Variants in VEGFC observed in about 807,000 individuals in gnomAD.
The protein encoded by VEGFC is vascular endothelial growth factor C.
VEGFC carries 12 observed loss-of-function variants against 46.1 expected under a neutral mutation model. The ratio of observed to expected loss-of-function variants is 0.26; its 90% CI spans 0.17 to 0.42. The LOEUF (loss-of-function observed/expected upper bound fraction) is 0.42. VEGFC is among the 10% of genes least tolerant of loss of function. VEGFC has a pLI of 1.00. For missense variants in VEGFC, 488 were observed against 529.4 expected (o/e 0.92, Z 0.77); for synonymous variants, 232 against 195.5 (o/e 1.19, Z -1.56).
At chr4:176,720,517 G>A (rs181108472) in intron 3 of VEGFC, among the ~76,000 whole-genome samples, 9 of 152,154 alleles carry the variant, frequency 5.9e-5, no homozygotes, top group Middle Eastern at 3.4e-3. Flanking sequence ...ACAAGCAGAC[G>A]CAATCTTTGT....
chr4:176,742,843 G>A (rs77162391), intron 1 of VEGFC, among the ~76,000 whole-genome samples: 1 of 151,966 alleles, frequency 6.6e-6, no homozygotes, highest in Non-Finnish European at 1.5e-5. Context: ...GATGTGAAAA[G>A]CCAAACATTG....
At chr4:176,739,755 T>C (rs1347417286) in intron 1 of VEGFC, among the ~76,000 whole-genome samples, 2 of 150,908 alleles carry the variant, frequency 1.3e-5, no homozygotes, top group East Asian at 2.0e-4. Flanking sequence ...AACTTAAAAG[T>C]TGAAGAAAAG....
At chr4:176,726,427 C>T (rs373587464) in intron 3 of VEGFC, among the ~76,000 whole-genome samples, 1 of 148,874 alleles carries the variant, frequency 6.7e-6, no homozygotes, top group African/African-American at 2.5e-5. Context: ...TTTTTTTTAA[C>T]CTTTAGAGTT....
chr4:176,739,599 A>T (rs1210688092), intron 1 of VEGFC, among the ~76,000 whole-genome samples: 1 of 151,636 alleles, frequency 6.6e-6, no homozygotes, highest in South Asian at 2.1e-4. Flanking sequence ...TTGTGGGGGG[A>T]GCGTATGAGG....
chr4:176,785,312 C>T (rs1735982953), intron 1 of VEGFC, among the ~76,000 whole-genome samples: 1 of 152,182 alleles, frequency 6.6e-6, no homozygotes, highest in Admixed American at 6.5e-5. Context: ...ATCTTTCCAC[C>T]TGTCCAAATG....
chr4:176,690,676 T>C (rs550612545), intron 4 of VEGFC, among the ~76,000 whole-genome samples: 11 of 152,242 alleles, frequency 7.2e-5, no homozygotes, highest in Non-Finnish European at 1.3e-4. Context: ...TTCCATCAAA[T>C]ATGATACAAC....
intron 4 of VEGFC, among the ~76,000 whole-genome samples, chr4:176,692,388 C>T (rs1302882534): frequency 7.5e-6 from 1 of 133,038 alleles, no homozygotes; most frequent in Non-Finnish European, 1.5e-5. Context: ...AGCGAGACTC[C>T]GTCTCAAAAA....
At chr4:176,782,960 T>C (rs1227515974) in intron 1 of VEGFC, among the ~76,000 whole-genome samples, 1 of 152,216 alleles carries the variant, frequency 6.6e-6, no homozygotes, top group East Asian at 1.9e-4. Context: ...CTGGGAAGTG[T>C]GTCCACCACT....
rs1332940590 is a variant in VEGFC at position 176,698,787 on chromosome 4, T to C, written c.705-10860A>G. On this transcript the variant is annotated intron_variant, in intron 4 of 6. Transcript: ENST00000618562. ...ATGAATTCTACTTTTCTAGATTCCA[T>C]ATATAAGGGAGATCAGTAATATGCA... 2.0e-5 allele frequency among the ~76,000 whole-genome samples: 3 copies of C among 152,194 alleles called. No homozygotes were observed. In the East Asian group the frequency reaches 5.8e-4, roughly 29 times the overall value.
At chr4:176,758,748 A>G (rs1735477481) in intron 1 of VEGFC, among the ~76,000 whole-genome samples, 1 of 152,110 alleles carries the variant, frequency 6.6e-6, no homozygotes, top group Admixed American at 6.6e-5. Context: ...CTCTGGCCCC[A>G]CATTGCATTC....
chr4:176,714,178 G>A (rs1275902777), intron 3 of VEGFC, among the ~76,000 whole-genome samples: 2 of 152,214 alleles, frequency 1.3e-5, no homozygotes, highest in East Asian at 1.9e-4. Context: ...GAGCTGGCGG[G>A]AGATGAATGG....
intron 1 of VEGFC, among the ~76,000 whole-genome samples, chr4:176,759,601 A>T (rs1375900883): frequency 6.6e-6 from 1 of 152,160 alleles, no homozygotes; most frequent in East Asian, 1.9e-4. Flanking sequence ...AAACATTCTC[A>T]TCACAAAAAA....
chr4:176,686,322 G>C (rs1246383888), intron 6 of VEGFC, among the ~76,000 whole-genome samples: 1 of 152,198 alleles, frequency 6.6e-6, no homozygotes. Context: ...CATGGTAGGT[G>C]AAAGAGGTGA....
intron 1 of VEGFC, among the ~76,000 whole-genome samples, chr4:176,731,998 GA>G (rs1734972762): frequency 6.6e-6 from 1 of 151,704 alleles, no homozygotes; most frequent in African/African-American, 2.4e-5. Context: ...GAAAAAAGTA[GA>G]AAAGCTATTA....
chr4:176,687,540 A>T lies in VEGFC; in HGVS notation c.812-20T>A, dbSNP rs375957104. 3.8e-5 allele frequency: 59 copies of T among 1,543,582 alleles called. No individual in the cohort carries two copies. In the African/African-American group the frequency reaches 7.2e-4, roughly 19 times the overall value. On this transcript the variant is annotated intron_variant, in intron 5 of 6. Coordinates refer to ENST00000618562, the MANE Select transcript of VEGFC (RefSeq NM_005429.5). ...TTGAGTCTAGACAAATAGTCAGAGA[A>T]TCTTTACTATACCTTACTTGGTTCT... is the stretch of plus-strand genomic sequence containing the variant.
intron 1 of VEGFC, among the ~76,000 whole-genome samples, chr4:176,734,368 GA>G (rs1168502675): frequency 1.3e-5 from 2 of 151,714 alleles, no homozygotes. Flanking sequence ...TTTATAATTT[GA>G]AGCATATTTA....
At chr4:176,763,413 T>C (rs930577298) in intron 1 of VEGFC, among the ~76,000 whole-genome samples, 1 of 152,012 alleles carries the variant, frequency 6.6e-6, no homozygotes, top group African/African-American at 2.4e-5. Context: ...ATAAAGCAAG[T>C]TATAATAATG....
chr4:176,775,449 A>T (rs544582556), intron 1 of VEGFC, among the ~76,000 whole-genome samples: 281 of 152,312 alleles, frequency 1.8e-3, no homozygotes, highest in Middle Eastern at 3.4e-3. Context: ...GTTTCTTAGG[A>T]TAACTCTATA....
intron 1 of VEGFC, among the ~76,000 whole-genome samples, chr4:176,771,627 G>A (rs761332957): frequency 2.0e-5 from 3 of 152,118 alleles, no homozygotes; most frequent in Non-Finnish European, 4.4e-5. Flanking sequence ...AGAGGCACAG[G>A]TAGACACACT....
Sources: allele counts gnomAD v4.1 joint callset (sites outside exome capture counted in the v4.1 genomes callset), GRCh38; gene constraint gnomAD v4.1.1; transcripts MANE v1.5; gene names NCBI Gene and HGNC (gene_info 2026-07-23, HGNC 2026-07-21).